Variants in FAM117B observed in about 807,000 individuals in gnomAD.
The protein encoded by FAM117B is protein FAM117B.
A neutral mutation model predicts 52.8 loss-of-function variants in FAM117B; 22 were observed. That is an observed-to-expected ratio of 0.42 (90% CI 0.30 to 0.59). FAM117B has a LOEUF of 0.59. Among genes scored for constraint, FAM117B ranks in the 20% least tolerant of loss-of-function variants. The pLI is 0.22. For missense variants in FAM117B, 678 were observed against 802.6 expected, an observed-to-expected ratio of 0.84 and a Z score of 1.88; for synonymous variants, 309 against 324.1, an observed-to-expected ratio of 0.95 and a Z score of 0.50.
chr2:202,675,498 C>A (rs559202890), intron 1 of FAM117B, among the ~76,000 whole-genome samples: 13 of 148,044 alleles, frequency 8.8e-5, no homozygotes, highest in African/African-American at 2.9e-4. Flanking sequence ...CAGAAAACCT[C>A]TGCTTGCTCT....
intron 1 of FAM117B, among the ~76,000 whole-genome samples, chr2:202,694,029 T>C (rs2105775797): frequency 6.6e-6 from 1 of 152,220 alleles, no homozygotes; most frequent in East Asian, 1.9e-4. Context: ...CTGGCAACTA[T>C]GGGGTAAGGG....
At chr2:202,691,556 G>A (rs1196373758) in intron 1 of FAM117B, among the ~76,000 whole-genome samples, 1 of 151,706 alleles carries the variant, frequency 6.6e-6, no homozygotes, top group Non-Finnish European at 1.5e-5. Context: ...TAATGTACCG[G>A]TAGGCAACTG....
intron 5 of FAM117B, 117 bp downstream of exon 5, chr2:202,755,798 A>G: frequency 9.6e-7 from 1 of 1,045,664 alleles, no homozygotes; most frequent in African/African-American, 1.6e-5. Flanking sequence ...GCAAAAATTT[A>G]TCTCTTTTGA....
chr2:202,745,293 A>AG (rs1691614010), intron 4 of FAM117B, among the ~76,000 whole-genome samples: 4 of 150,804 alleles, frequency 2.7e-5, no homozygotes, highest in African/African-American at 9.9e-5. Flanking sequence ...AAAAAAAAAA[A>AG]GGCAAAATAA....
At chr2:202,756,289 C>T (rs1423763410) in intron 5 of FAM117B, among the ~76,000 whole-genome samples, 3 of 151,650 alleles carry the variant, frequency 2.0e-5, no homozygotes, top group African/African-American at 7.3e-5. Flanking sequence ...CATGGTGGTG[C>T]GTGCCTGTAA....
rs1369000267 is a variant in FAM117B at position 202,659,924 on chromosome 2, C to T, written c.601+24136C>T. ...GTAAGCCACTGCGCCCGGCCACCAC[C>T]GTGCTCATTTTTTCCCCCACCTTTT... is the stretch of plus-strand genomic sequence containing the variant. On this transcript the variant is annotated intron_variant, in intron 1 of 7. Coordinates refer to ENST00000392238, the MANE Select transcript of FAM117B (RefSeq NM_173511.4). Among the ~76,000 whole-genome samples, 7 of 151,820 alleles carry T rather than the reference C, an allele frequency of 4.6e-5. No homozygotes were observed. The South Asian group carries it at 6.3e-4, about 14-fold the overall frequency.
intron 4 of FAM117B, among the ~76,000 whole-genome samples, chr2:202,736,413 A>C (rs562558742): frequency 6.6e-6 from 1 of 151,732 alleles, no homozygotes; most frequent in South Asian, 2.1e-4. Flanking sequence ...AAAGGCCCTT[A>C]AGATTGGAAA....
At chr2:202,668,432 G>A (rs1208176979) in intron 1 of FAM117B, among the ~76,000 whole-genome samples, 2 of 145,674 alleles carry the variant, frequency 1.4e-5, no homozygotes, top group Admixed American at 1.4e-4. Context: ...GGAGGCTGAG[G>A]CAGGAGAATT....
At position 202,695,902 on chromosome 2, in the gene FAM117B, C is replaced by T. The variant is rs775251302; in HGVS notation, c.623C>T (p.Ser208Phe). The T allele has an allele frequency of 1.9e-6, 3 of 1,607,258 alleles. No individual in the cohort carries two copies. The highest frequency in any genetic ancestry group is 1.7e-4 in the Middle Eastern group (1 of 6,056). ...CKAGDKTRQP[S>F]SSPSSIIRRT... ...CTAGGTGACAAAACACGACAGCCTTCTTCAAGCCCCTCCAGTATTATCCGA... is the reference window on the plus strand; with the variant it reads ...CTAGGTGACAAAACACGACAGCCTTTTTCAAGCCCCTCCAGTATTATCCGA... Residue 208 changes from serine (S) to phenylalanine (F), a missense_variant, in exon 2 of 8, where the codon TCT becomes TTT. Coordinates refer to ENST00000392238, the MANE Select transcript of FAM117B (RefSeq NM_173511.4).
chr2:202,689,606 A>G (rs1690591413), intron 1 of FAM117B, among the ~76,000 whole-genome samples: 1 of 152,104 alleles, frequency 6.6e-6, no homozygotes, highest in African/African-American at 2.4e-5. Context: ...TGTGGATAAT[A>G]GGAGACATAG....
chr2:202,710,106 G>A (rs555191948), intron 2 of FAM117B, among the ~76,000 whole-genome samples: 7 of 152,194 alleles, frequency 4.6e-5, no homozygotes, highest in East Asian at 1.9e-4. Flanking sequence ...TTGGCTATTC[G>A]TGGTCTTTTG....
At chr2:202,645,445 T>G (rs1477080763) in intron 1 of FAM117B, among the ~76,000 whole-genome samples, 1 of 141,844 alleles carries the variant, frequency 7.1e-6, no homozygotes, top group African/African-American at 2.6e-5. Context: ...GCCCGCCACC[T>G]CGCCCGGCTA....
chr2:202,758,163 C>T (rs769990215), intron 6 of FAM117B, among the ~76,000 whole-genome samples: 3 of 152,150 alleles, frequency 2.0e-5, no homozygotes, highest in Non-Finnish European at 4.4e-5. Flanking sequence ...CTCCTCCATA[C>T]AGTGTGTTGA....
chr2:202,659,548 C>G (rs143746414), intron 1 of FAM117B, among the ~76,000 whole-genome samples: 2 of 148,354 alleles, frequency 1.3e-5, no homozygotes, highest in African/African-American at 5.0e-5. Flanking sequence ...TAGGCTCAAG[C>G]GATCCACCCC....
intron 4 of FAM117B, among the ~76,000 whole-genome samples, chr2:202,738,387 T>A (rs1318918327): frequency 1.3e-5 from 2 of 152,202 alleles, no homozygotes; most frequent in Non-Finnish European, 2.9e-5. Flanking sequence ...TCACAAGACT[T>A]CATTTTTCTG....
At chr2:202,713,590 A>G (rs1690989929) in intron 2 of FAM117B, among the ~76,000 whole-genome samples, 1 of 151,880 alleles carries the variant, frequency 6.6e-6, no homozygotes, top group Admixed American at 6.6e-5. Flanking sequence ...GTTCTTTAAG[A>G]TGCATTATTA....
chr2:202,724,585 CATT>C (rs1691207874), intron 2 of FAM117B, among the ~76,000 whole-genome samples: 1 of 152,024 alleles, frequency 6.6e-6, no homozygotes, highest in African/African-American at 2.4e-5. Flanking sequence ...TAATAACTGA[CATT>C]ATTAGCTATT....
rs75078067 is a variant in FAM117B at position 202,765,375 on chromosome 2, C to T, written c.1452-71C>T. Reference sequence around the variant, plus strand: ...TTTAAAAAATAAAAGAGCTTGTTTCCAAGCTTTTTTTTTTTTTTATTTTTT... The same window carrying T: ...TTTAAAAAATAAAAGAGCTTGTTTCTAAGCTTTTTTTTTTTTTTATTTTTT... On this transcript the variant is annotated intron_variant, in intron 7 of 7. Transcript: ENST00000392238. The T allele has an allele frequency of 1.7e-3, 2,272 of 1,340,650 alleles. 31 individuals are homozygous for T. In the African/African-American group the frequency reaches 0.03, roughly 18 times the overall value. The allele number at this position is 1,340,650 out of a possible 1,614,324, so 83.0% of individuals were successfully genotyped here.
Position 202,635,303 on chromosome 2 carries a change from T to C in FAM117B, c.116T>C (p.Val39Ala). The C allele has an allele frequency of 7.1e-7, 1 of 1,416,932 alleles. No homozygotes were observed. Among genetic ancestry groups the C allele is most frequent in the Non-Finnish European group, 9.2e-7 (1 of 1,083,082 alleles). 87.8% of individuals were successfully genotyped at this position (1,416,932 alleles called of 1,614,324 possible). ...GSRLQPMRAT[V>A]PFQLKQQQQQ... ...CGCTTGCAGCCCATGAGGGCGACGG[T>C]TCCGTTCCAGCTGAAGCAGCAGCAG... Residue 39 changes from valine (V) to alanine (A), a missense_variant, in exon 1 of 8, where the codon GTT (valine) becomes GCT (alanine). Val to Ala is a moderately conservative substitution (Grantham distance 64). Transcript: ENST00000392238.
Sources: gnomAD v4.1 joint callset for allele counts (sites outside exome capture counted in the v4.1 genomes callset) on GRCh38, gnomAD v4.1.1 for gene constraint, MANE v1.5 for transcripts, NCBI Gene and HGNC (gene_info 2026-07-23, HGNC 2026-07-21) for gene names.